The following LMO7 variants were observed in gnomAD, a reference collection of about 807,000 sequenced individuals.
LMO7 encodes LIM domain only protein 7.
A neutral mutation model predicts 206.5 loss-of-function variants in LMO7; 120 were observed. The observed-to-expected ratio is 0.58, with a 90% CI of 0.50 to 0.68. The LOEUF (loss-of-function observed/expected upper bound fraction) is 0.68. LMO7 is among the 30% of genes least tolerant of loss of function. The pLI is 0.00. For missense variants in LMO7, 1,959 were observed against 1,957.9 expected, an observed-to-expected ratio of 1.00 and a Z score of -0.01; for synonymous variants, 706 against 681.5, an observed-to-expected ratio of 1.04 and a Z score of -0.56.
intron 4 of LMO7, among the ~76,000 whole-genome samples, chr13:75,767,531 T>G (rs1208134283): frequency 6.6e-6 from 1 of 152,070 alleles, no homozygotes; most frequent in Non-Finnish European, 1.5e-5. Context: ...CTTAGTACAC[T>G]TTTTACCTTT....
intron 1 of LMO7, 64 bp from the exon 2 acceptor site, chr13:75,713,118 A>G (rs564413174): frequency 2.9e-5 from 32 of 1,110,102 alleles, no homozygotes; most frequent in Admixed American, 7.9e-5. Flanking sequence ...TTAATCTAAT[A>G]CTGAATTGGA....
chr13:75,772,869 G>C (rs1227643813), intron 4 of LMO7, among the ~76,000 whole-genome samples: 1 of 152,088 alleles, frequency 6.6e-6, no homozygotes, highest in East Asian at 1.9e-4. Context: ...AACAACCAGG[G>C]ATCTTGTTCA....
intron 1 of LMO7, among the ~76,000 whole-genome samples, chr13:75,678,632 C>T (rs771677920): frequency 3.0e-4 from 46 of 152,286 alleles, no homozygotes; most frequent in Non-Finnish European, 6.2e-4. Flanking sequence ...CACACCTCTT[C>T]GGTGAGACCA....
chr13:75,817,434 T>C (rs2057135996), intron 12 of LMO7, among the ~76,000 whole-genome samples, 156 bp downstream of exon 12: 1 of 151,338 alleles, frequency 6.6e-6, no homozygotes, highest in South Asian at 2.1e-4. Flanking sequence ...TTTTTAAACC[T>C]TTTTTTTTCT....
chr13:75,720,697 A>C (rs2043949182), intron 2 of LMO7, among the ~76,000 whole-genome samples: 1 of 152,256 alleles, frequency 6.6e-6, no homozygotes, highest in Non-Finnish European at 1.5e-5. Context: ...GTGAGGCTAT[A>C]TAATAAAGTT....
At chr13:75,842,080 TC>T in intron 24 of LMO7, 97 bp downstream of exon 24, 1 of 867,990 alleles carries the variant, frequency 1.2e-6, no homozygotes, top group Non-Finnish European at 1.8e-6. Flanking sequence ...CCACCCATTC[TC>T]CACACAAGTG....
At chr13:75,769,893 A>C (rs2049402096) in intron 4 of LMO7, among the ~76,000 whole-genome samples, 2 of 152,070 alleles carry the variant, frequency 1.3e-5, no homozygotes, top group Admixed American at 1.3e-4. Flanking sequence ...ATTTACTGAG[A>C]TATGGAGAAA....
At chr13:75,699,763 AC>A (rs1190432623) in intron 1 of LMO7, among the ~76,000 whole-genome samples, 7 of 152,328 alleles carry the variant, frequency 4.6e-5, no homozygotes, top group African/African-American at 1.7e-4. Flanking sequence ...CCCACTGTGC[AC>A]CCATTGTCAT....
chr13:75,710,408 A>G (rs1462918951), intron 1 of LMO7, among the ~76,000 whole-genome samples: 4 of 152,066 alleles, frequency 2.6e-5, no homozygotes. Context: ...CATTTTCATG[A>G]TATTGATTCT....
chr13:75,621,210 G>C (rs540982435), exon 1 of LMO7: 1 of 152,290 alleles, frequency 6.6e-6, no homozygotes, highest in East Asian at 1.9e-4. Context: ...TAAATCATCA[G>C]ATTCACCTAA....
At chr13:75,772,241 A>C (rs902037128) in intron 4 of LMO7, among the ~76,000 whole-genome samples, 2 of 152,140 alleles carry the variant, frequency 1.3e-5, no homozygotes, top group African/African-American at 4.8e-5. Flanking sequence ...TTCATGAATA[A>C]GATGCTTTAG....
At chr13:75,818,352 G>A (rs536750816) in intron 12 of LMO7, among the ~76,000 whole-genome samples, 2 of 152,240 alleles carry the variant, frequency 1.3e-5, no homozygotes, top group East Asian at 1.9e-4. Flanking sequence ...GGGCTTGCAA[G>A]GGGTATAAAT....
rs1195970688 is a variant in LMO7, at chr13:75,823,836, G to C, written c.2912G>C (p.Gly971Ala). The change falls in exon 15 of 31, where the codon GGG becomes GCG. Residue 971 changes from glycine to alanine, a missense_variant. Transcript: ENST00000377534. ...GATTTAATGTCTGAATCTGGAGAAG[G>C]GGAAATCTCCCCACAAAGAGAAGTC... is the stretch of plus-strand genomic sequence containing the variant. ...GLDLMSESGE[G>A]EISPQREVSR... 2.5e-6 allele frequency: 4 copies of C among 1,613,888 alleles called. No individual in the cohort carries two copies. Among genetic ancestry groups the C allele is most frequent in the Non-Finnish European group, 8.5e-7 (1 of 1,179,946 alleles).
In LMO7 at chr13:75,809,166, G is replaced by T. The variant is rs374896424; in HGVS notation, c.1929G>T (p.Lys643Asn). The change falls in exon 11 of 31, where the codon AAG becomes AAT. Residue 643 changes from lysine (K) to asparagine (N), a missense_variant. Physicochemically the swap from Lys to Asn is moderately conservative, Grantham distance 94. Coordinates refer to ENST00000377534, the MANE Select transcript of LMO7 (RefSeq NM_001306080.2). ...TCTGGTTTCTTAGACTCTTTCAAAAGATTTATGGTGAGAATGGGTAAGTTG... is the reference window on the plus strand; with the variant it reads ...TCTGGTTTCTTAGACTCTTTCAAAATATTTATGGTGAGAATGGGTAAGTTG... ...KRLMVERLFQ[K>N]IYGENGSKSM... 1.2e-6 allele frequency: 2 copies of T among 1,612,446 alleles called. No individual in the cohort carries two copies. Among genetic ancestry groups the T allele is most frequent in the African/African-American group, 1.3e-5 (1 of 74,888 alleles).
chr13:75,801,070 T>C (rs2054664499), intron 7 of LMO7, among the ~76,000 whole-genome samples, 188 bp downstream of exon 7: 1 of 152,168 alleles, frequency 6.6e-6, no homozygotes, highest in African/African-American at 2.4e-5. Flanking sequence ...AGTTTCATTT[T>C]TGAAAAATTT....
chr13:75,636,715 A>T lies in LMO7; in HGVS notation c.58A>T (p.Arg20Ter). The T allele has an allele frequency of 1.2e-6, 2 of 1,608,400 alleles. No individual in the cohort carries two copies. The highest frequency in any genetic ancestry group is 1.1e-5 in the South Asian group (1 of 89,684). The change falls in exon 1 of 31, where the codon AGA becomes TGA. Residue 20 changes from arginine (R) to a stop codon, truncating the protein, a stop_gained. Transcript: ENST00000377534. LOFTEE classifies it high-confidence loss of function. ...CTCCGTGGCGTTCGCTGAGGCTCAG[A>T]GATGGGTGGAGGTGAGTGCCTTTCA... ...NCSVAFAEAQ[R>*]WVEAVTEKNF...
At chr13:75,621,256 T>G (rs1468552026) in exon 1 of LMO7, 2 of 152,238 alleles carry the variant, frequency 1.3e-5, no homozygotes, top group African/African-American at 4.8e-5. Flanking sequence ...ATGGAATGAA[T>G]AGATTGCATT....
At chr13:75,733,432 G>A (rs1013849420) in intron 3 of LMO7, among the ~76,000 whole-genome samples, 1 of 152,254 alleles carries the variant, frequency 6.6e-6, no homozygotes, top group Non-Finnish European at 1.5e-5. Flanking sequence ...CTCCGAGCCA[G>A]GTGTGGGATA....
intron 1 of LMO7, among the ~76,000 whole-genome samples, chr13:75,649,722 C>T (rs982079248): frequency 2.0e-5 from 3 of 152,158 alleles, no homozygotes; most frequent in African/African-American, 7.2e-5. Flanking sequence ...GTCAGCTTAC[C>T]TACCTTCTTG....
Sources: allele counts gnomAD v4.1 joint callset (sites outside exome capture counted in the v4.1 genomes callset), GRCh38; gene constraint gnomAD v4.1.1; transcripts MANE v1.5; gene names NCBI Gene and HGNC (gene_info 2026-07-23, HGNC 2026-07-21).